The following SGTB variants were observed in gnomAD, a reference collection of about 807,000 sequenced individuals.
SGTB encodes the protein small glutamine rich tetratricopeptide repeat co-chaperone beta, also known as small glutamine-rich tetratricopeptide repeat-containing protein beta.
SGTB carries 19 observed loss-of-function variants against 43.9 expected under a neutral mutation model. The ratio of observed to expected loss-of-function variants is 0.43; its 90% CI spans 0.30 to 0.63. The LOEUF (loss-of-function observed/expected upper bound fraction) is 0.63. Among genes scored for constraint, SGTB ranks in the 30% least tolerant of loss-of-function variants. The pLI, the probability that SGTB is intolerant of heterozygous loss-of-function variation, is 0.12. For missense variants in SGTB, 304 were observed against 358.9 expected (o/e 0.85, Z 1.24); for synonymous variants, 116 against 117.3 (o/e 0.99, Z 0.07).
intron 4 of SGTB, among the ~76,000 whole-genome samples, chr5:65,707,963 A>G (rs1297955442): frequency 6.6e-6 from 1 of 152,226 alleles, no homozygotes; most frequent in Non-Finnish European, 1.5e-5. Flanking sequence ...CATAGCTGAC[A>G]TAATGGAAAA....
chr5:65,701,654 A>G (rs1245089411), intron 5 of SGTB, among the ~76,000 whole-genome samples: 2 of 135,314 alleles, frequency 1.5e-5, no homozygotes, highest in African/African-American at 2.8e-5. Context: ...TTTTTTTGAG[A>G]CAGAGTCTCA....
intron 4 of SGTB, among the ~76,000 whole-genome samples, chr5:65,705,875 A>C (rs1344637005): frequency 2.0e-5 from 3 of 151,742 alleles, no homozygotes; most frequent in South Asian, 2.1e-4. Context: ...AAAAAAAAAA[A>C]AAAACACAAA....
chr5:65,696,287 G>A (rs1757713128), intron 5 of SGTB, among the ~76,000 whole-genome samples: 1 of 152,016 alleles, frequency 6.6e-6, no homozygotes, highest in Admixed American at 6.6e-5. Flanking sequence ...GTCTTTTATT[G>A]CCTTAAGTCA....
chr5:65,704,463 C>G, intron 4 of SGTB, 85 bp from the exon 5 acceptor site: 1 of 1,014,434 alleles, frequency 9.9e-7, no homozygotes, highest in South Asian at 2.1e-5. Context: ...ATCGTGGAAA[C>G]TATAATTATA....
chr5:65,715,065 C>T (rs1579888276), intron 2 of SGTB, among the ~76,000 whole-genome samples: 2 of 152,292 alleles, frequency 1.3e-5, no homozygotes, highest in East Asian at 3.9e-4. Flanking sequence ...CTAACCACAG[C>T]CTTGGAACTC....
chr5:65,703,178 T>C (rs1311565090), intron 5 of SGTB, among the ~76,000 whole-genome samples: 1 of 152,346 alleles, frequency 6.6e-6, no homozygotes, highest in South Asian at 2.1e-4. Context: ...GCAACCTCCA[T>C]GTCCACCAGT....
At chr5:65,691,979 A>T (rs1375777421) in intron 5 of SGTB, among the ~76,000 whole-genome samples, 2 of 151,854 alleles carry the variant, frequency 1.3e-5, no homozygotes, top group Non-Finnish European at 2.9e-5. Flanking sequence ...ATACACGACC[A>T]GTTTAAAGGG....
At chr5:65,689,795 G>C (rs154627) in intron 5 of SGTB, among the ~76,000 whole-genome samples, 49,609 of 151,874 alleles carry the variant, frequency 0.33, 8,455 homozygotes, top group Non-Finnish European at 0.37. Context: ...TTTAGGTCTA[G>C]TTTTCTGCCA....
chr5:65,716,048 G>A (rs1391010166), intron 2 of SGTB, among the ~76,000 whole-genome samples: 1 of 152,248 alleles, frequency 6.6e-6, no homozygotes, highest in Non-Finnish European at 1.5e-5. Flanking sequence ...GGGATTACAG[G>A]TGTGAGCCAC....
chr5:65,671,871 A>G (rs1335702133), intron 10 of SGTB, 44 bp downstream of exon 10: 1 of 1,574,858 alleles, frequency 6.3e-7, no homozygotes, highest in East Asian at 2.3e-5. Flanking sequence ...AGGCTGTAAA[A>G]CATAAAATAC....
At chr5:65,717,237 G>C (rs1210073395) in intron 2 of SGTB, among the ~76,000 whole-genome samples, 1 of 152,034 alleles carries the variant, frequency 6.6e-6, no homozygotes, top group African/African-American at 2.4e-5. Flanking sequence ...AAGGAGAGGA[G>C]TTGGAGAAAG....
intron 6 of SGTB, among the ~76,000 whole-genome samples, chr5:65,681,972 T>A (rs1757406772): frequency 7.1e-6 from 1 of 140,788 alleles, no homozygotes; most frequent in Admixed American, 7.2e-5. Flanking sequence ...CGAAATTCCA[T>A]CTCAAAAAAA....
chr5:65,681,235 G>C (rs575097218), intron 6 of SGTB, among the ~76,000 whole-genome samples: 2 of 152,172 alleles, frequency 1.3e-5, no homozygotes, highest in African/African-American at 4.8e-5. Flanking sequence ...CTTCCTAACA[G>C]AGGAACAATT....
intron 5 of SGTB, among the ~76,000 whole-genome samples, chr5:65,702,765 A>G (rs1757848528): frequency 1.3e-5 from 2 of 152,238 alleles, no homozygotes; most frequent in Non-Finnish European, 2.9e-5. Context: ...GGATAGAAAC[A>G]TTCAGTCTAT....
intron 5 of SGTB, among the ~76,000 whole-genome samples, chr5:65,686,120 G>C (rs978749516): frequency 2.0e-5 from 3 of 151,648 alleles, no homozygotes; most frequent in African/African-American, 7.3e-5. Context: ...AGGAGAAACA[G>C]GAAAGAAGAG....
rs771465291 is a variant in SGTB, at chr5:65,721,733, G to A, written c.-23+184C>T. Among the ~76,000 whole-genome samples, 101 of 152,200 alleles carry A rather than the reference G, an allele frequency of 6.6e-4. 1 individual carries two copies. The highest frequency in any genetic ancestry group is 1.2e-3 in the South Asian group (6 of 4,830). On this transcript the variant is annotated intron_variant, in intron 1 of 10. Coordinates refer to ENST00000381007, the MANE Select transcript of SGTB (RefSeq NM_019072.3). ...TAAAAACAGAATGGGGGGAAAAGGGGTGAGAAGAGGGAAATAGGCTTCTCC... is the reference window on the plus strand; with the variant it reads ...TAAAAACAGAATGGGGGGAAAAGGGATGAGAAGAGGGAAATAGGCTTCTCC...
chr5:65,722,146 G>A (rs1316539342), upstream of SGTB: 2 of 212,362 alleles, frequency 9.4e-6, no homozygotes, highest in East Asian at 2.2e-4. Flanking sequence ...CGGACGCGAG[G>A]GCTGGGGCGG....
chr5:65,713,753 T>TGTG (rs1758092450), intron 2 of SGTB, among the ~76,000 whole-genome samples: 1 of 152,156 alleles, frequency 6.6e-6, no homozygotes, highest in Non-Finnish European at 1.5e-5. Flanking sequence ...CTCAGCCAAG[T>TGTG]GTGGTGGGTT....
At chr5:65,698,048 T>C (rs73099337) in intron 5 of SGTB, among the ~76,000 whole-genome samples, 1,574 of 152,300 alleles carry the variant, frequency 0.01, 26 homozygotes, top group African/African-American at 0.036. Context: ...GTGAGTGTTG[T>C]AGGCAACAGA....
Sources: gnomAD v4.1 joint callset for allele counts (sites outside exome capture counted in the v4.1 genomes callset) on GRCh38, gnomAD v4.1.1 for gene constraint, MANE v1.5 for transcripts, NCBI Gene and HGNC (gene_info 2026-07-23, HGNC 2026-07-21) for gene names.